The following DDX60L variants were observed in gnomAD, a reference collection of about 807,000 sequenced individuals.
DDX60L encodes the protein probable ATP-dependent RNA helicase DDX60-like.
Under a neutral mutation model 211.6 loss-of-function variants are expected in DDX60L, and 191 were observed. That is an observed-to-expected ratio of 0.90 (90% confidence interval 0.80 to 1.02). DDX60L has a LOEUF of 1.02. Ranked by LOEUF, DDX60L falls within the 50% of genes least tolerant of loss-of-function variation. The pLI is 0.00. For missense variants in DDX60L, 2,007 were observed against 1,984.1 expected (o/e 1.01, Z -0.22); for synonymous variants, 706 against 694.1 (o/e 1.02, Z -0.27).
At position 168,379,354 on chromosome 4, in the gene DDX60L, C is replaced by T. The variant is rs776284657; in HGVS notation, c.4363+9G>A. 6.5e-7 allele frequency: 1 copy of T among 1,543,428 alleles called. No individual in the cohort carries two copies. The highest frequency in any genetic ancestry group is 8.7e-7 in the Non-Finnish European group (1 of 1,154,368). Reference sequence around the variant, plus strand: ...ATTTTTCGACTACAGGTATAAAACCCAAGCTTACCTTTCCAGGCTGGCTTA... The same window carrying T: ...ATTTTTCGACTACAGGTATAAAACCTAAGCTTACCTTTCCAGGCTGGCTTA... On this transcript the variant is annotated intron_variant, in intron 32 of 37. Transcript: ENST00000682922.
chr4:168,420,411 C>G, intron 17 of DDX60L, 31 bp from the exon 18 acceptor site: 2 of 1,588,256 alleles, frequency 1.3e-6, no homozygotes, highest in Non-Finnish European at 1.7e-6. Flanking sequence ...CCATTAGTCA[C>G]TTAGTAGAGA....
chr4:168,419,494 G>T, intron 18 of DDX60L, 97 bp from the exon 19 acceptor site: 1 of 720,098 alleles, frequency 1.4e-6, no homozygotes, highest in Non-Finnish European at 2.1e-6. Context: ...GCTGCTGATA[G>T]CAGTTTCATT....
intron 20 of DDX60L, 38 bp from the exon 21 acceptor site, chr4:168,415,837 T>C (rs1167017446): frequency 4.3e-6 from 6 of 1,398,056 alleles, no homozygotes; most frequent in South Asian, 1.6e-5. Context: ...AAATAAAATA[T>C]AGAAGTATTT....
chr4:168,429,252 G>C (rs13147554), intron 13 of DDX60L, among the ~76,000 whole-genome samples: 109,386 of 151,990 alleles, frequency 0.72, 41,312 homozygotes, highest in East Asian at 0.98. Flanking sequence ...TCAAGCAATT[G>C]TCCTACCTCA....
chr4:168,408,821 T>C (rs62334122), intron 22 of DDX60L, among the ~76,000 whole-genome samples: 1 of 152,094 alleles, frequency 6.6e-6, no homozygotes, highest in African/African-American at 2.4e-5. Flanking sequence ...ACAAGCCATA[T>C]ATGGATTGCA....
At position 168,357,507 on chromosome 4, in the gene DDX60L, A is replaced by T. The variant is rs1019844216; in HGVS notation, c.*640T>A. 1 of 152,400 alleles carries T rather than the reference A, an allele frequency of 6.6e-6. No homozygotes were observed. Among genetic ancestry groups the T allele is most frequent in the Non-Finnish European group, 1.5e-5 (1 of 68,232 alleles). The allele number at this position is 152,400 out of a possible 1,614,324, so 9.4% of individuals were successfully genotyped here. A position where few individuals can be genotyped will look rare whatever the true frequency, so the allele number is the denominator to read the frequency against. On this transcript the variant is annotated 3_prime_UTR_variant, in exon 38 of 38. Coordinates refer to ENST00000682922, the MANE Select transcript of DDX60L (RefSeq NM_001012967.3). ...CCCATTGTATCATCCAGTGGTAGTG[A>T]GCAGAGATTGGAGAACAAGCTCTCT...
In DDX60L at chr4:168,454,075, G is replaced by A. The variant is rs142098868; in HGVS notation, c.838-793C>T. 2.8e-4 allele frequency among the ~76,000 whole-genome samples: 43 copies of A among 152,128 alleles called. 1 individual carries two copies. Among genetic ancestry groups the A allele is most frequent in the African/African-American group, 9.2e-4 (38 of 41,506 alleles). Reference sequence around the variant, plus strand: ...CTTTTATACCCAGAACCCTATGATGGGTGCTATTCACACTCCCACCCACGG... The same window carrying A: ...CTTTTATACCCAGAACCCTATGATGAGTGCTATTCACACTCCCACCCACGG... On this transcript the variant is annotated intron_variant, in intron 7 of 37. Coordinates refer to ENST00000682922, the MANE Select transcript of DDX60L (RefSeq NM_001012967.3).
At chr4:168,383,622 A>C (rs1020853271) in intron 30 of DDX60L, among the ~76,000 whole-genome samples, 3 of 152,196 alleles carry the variant, frequency 2.0e-5, no homozygotes, top group African/African-American at 7.2e-5. Flanking sequence ...TCACATAGGA[A>C]GTGGCTTCAA....
intron 33 of DDX60L, among the ~76,000 whole-genome samples, chr4:168,376,204 T>C (rs1560942550): frequency 6.6e-6 from 1 of 152,206 alleles, no homozygotes; most frequent in Non-Finnish European, 1.5e-5. Context: ...GTTACAATTA[T>C]GGGTTTTATT....
intron 37 of DDX60L, among the ~76,000 whole-genome samples, chr4:168,358,611 C>A (rs1020955301): frequency 6.7e-6 from 1 of 149,332 alleles, no homozygotes; most frequent in African/African-American, 2.5e-5. Context: ...CGGCTCACTG[C>A]AACCTCTGCC....
At chr4:168,449,652 C>CAAAAAA in intron 8 of DDX60L, among the ~76,000 whole-genome samples, 32 of 7,914 alleles carry the variant, frequency 4.0e-3, no homozygotes, top group African/African-American at 5.5e-3. Flanking sequence ...AAAAAAAATG[C>CAAAAAA]AAAAAAAAAA....
In DDX60L at chr4:168,457,925, A is replaced by G. The variant is rs766189473; in HGVS notation, c.690T>C (p.Phe230=). 1.9e-5 allele frequency: 29 copies of G among 1,563,160 alleles called. No homozygotes were observed. Among genetic ancestry groups the G allele is most frequent in the Middle Eastern group, 1.8e-4 (1 of 5,678 alleles). ...TCATATCATTCCATTTCAAATGTTC[A>G]AAATGAGTTGCTAATACTAAAACCC... The part of the protein sequence containing the change: ...EIRVLVLATH[F]EHLKWNDMME... The change falls in exon 6 of 38, where the codon TTT becomes TTC. Residue 230 remains phenylalanine (F), a synonymous_variant. Coordinates refer to ENST00000682922, the MANE Select transcript of DDX60L (RefSeq NM_001012967.3).
intron 27 of DDX60L, 51 bp downstream of exon 27, chr4:168,395,908 T>G: frequency 1.6e-6 from 2 of 1,232,610 alleles, no homozygotes; most frequent in Non-Finnish European, 2.3e-6. Context: ...ACGATCACTA[T>G]GATAAAATGT....
chr4:168,395,871 A>T, intron 27 of DDX60L, 88 bp downstream of exon 27: 1 of 907,308 alleles, frequency 1.1e-6, no homozygotes, highest in African/African-American at 1.7e-5. Context: ...GTATTACACA[A>T]GTCATTTCAG....
chr4:168,364,348 A>G (rs1235642321), intron 36 of DDX60L, among the ~76,000 whole-genome samples: 1 of 152,250 alleles, frequency 6.6e-6, no homozygotes, highest in Non-Finnish European at 1.5e-5. Context: ...CAATTCAACA[A>G]GAGGATATAG....
chr4:168,451,573 A>G (rs1755811555), intron 8 of DDX60L, among the ~76,000 whole-genome samples: 1 of 152,202 alleles, frequency 6.6e-6, no homozygotes, highest in South Asian at 2.1e-4. Context: ...CCATGTTAGC[A>G]TCATCACCAT....
chr4:168,360,905 C>T (rs542877304), intron 37 of DDX60L, among the ~76,000 whole-genome samples: 13 of 152,166 alleles, frequency 8.5e-5, no homozygotes, highest in East Asian at 1.9e-4. Flanking sequence ...GGCTCTGATC[C>T]GAATGAAATT....
intron 35 of DDX60L, among the ~76,000 whole-genome samples, chr4:168,372,418 C>A (rs1377486645): frequency 6.6e-6 from 1 of 152,002 alleles, no homozygotes; most frequent in African/African-American, 2.4e-5. Context: ...AACTGTGGAG[C>A]AAGTTGGAAT....
intron 18 of DDX60L, among the ~76,000 whole-genome samples, chr4:168,419,737 G>A (rs962744): frequency 0.2 from 30,359 of 152,106 alleles, 3,498 homozygotes; most frequent in African/African-American, 0.32. Flanking sequence ...GTTTTATTAT[G>A]AGGATCCATA....
Sources: gnomAD v4.1 joint callset for allele counts (sites outside exome capture counted in the v4.1 genomes callset) on GRCh38, gnomAD v4.1.1 for gene constraint, MANE v1.5 for transcripts, NCBI Gene and HGNC (gene_info 2026-07-23, HGNC 2026-07-21) for gene names.